Variants in PIP4P2 observed in about 807,000 individuals in gnomAD.
PIP4P2 encodes phosphatidylinositol-4,5-bisphosphate 4-phosphatase 2.
In PIP4P2, 19 loss-of-function variants were observed where a neutral mutation model predicts 33.3. That is an observed-to-expected ratio of 0.57 (90% confidence interval 0.40 to 0.84). The LOEUF is 0.84. Ranked by LOEUF, PIP4P2 falls within the 40% of genes least tolerant of loss-of-function variation. PIP4P2 has a pLI of 0.00. For synonymous variants in PIP4P2, 110 were observed against 111.9 expected (o/e 0.98, Z 0.11); for missense variants, 270 against 324.7 (o/e 0.83, Z 1.29).
At chr8:91,026,837 C>T (rs1001671074) in intron 1 of PIP4P2, among the ~76,000 whole-genome samples, 1 of 152,156 alleles carries the variant, frequency 6.6e-6, no homozygotes, top group South Asian at 2.1e-4. Flanking sequence ...ATCTGTGACA[C>T]ATGGTGCCAT....
At chr8:91,012,566 CT>C (rs983806014) in intron 4 of PIP4P2, among the ~76,000 whole-genome samples, 26 of 152,224 alleles carry the variant, frequency 1.7e-4, no homozygotes, top group African/African-American at 6.0e-4. Flanking sequence ...CAGTGTTCCC[CT>C]AATCAACAAA....
Position 90,994,031 on chromosome 8 carries a change from C to T in PIP4P2, c.*1646G>A, listed in dbSNP as rs2130343024. ...AGAATGGATTATTCAGTATACAATG[C>T]TGTTACAACTAGTTAACCATTAGGA... On this transcript the variant is annotated 3_prime_UTR_variant, in exon 7 of 7. Coordinates refer to ENST00000285419, the MANE Select transcript of PIP4P2 (RefSeq NM_018710.3). 1 of 152,196 alleles carries T rather than the reference C, an allele frequency of 6.6e-6. No homozygotes were observed. Among genetic ancestry groups the T allele is most frequent in the East Asian group, 1.9e-4 (1 of 5,182 alleles). 9.4% of individuals were successfully genotyped at this position (152,196 alleles called of 1,614,324 possible).
rs766244697 is a variant in PIP4P2 at position 90,995,638 on chromosome 8, C to G, written c.*39G>C. On this transcript the variant is annotated 3_prime_UTR_variant, in exon 7 of 7. Coordinates refer to ENST00000285419, the MANE Select transcript of PIP4P2 (RefSeq NM_018710.3). ...GTCCAGAGTAGCTTACCAAGAACTGCTAGACACTCTCACCTGCATTACTGA... is the reference window on the plus strand; with the variant it reads ...GTCCAGAGTAGCTTACCAAGAACTGGTAGACACTCTCACCTGCATTACTGA... 6.3e-7 allele frequency: 1 copy of G among 1,589,988 alleles called. No homozygotes were observed. The highest frequency in any genetic ancestry group is 8.5e-7 in the Non-Finnish European group (1 of 1,171,318).
chr8:91,038,440 C>T (rs60835352), intron 1 of PIP4P2, among the ~76,000 whole-genome samples: 91,119 of 152,008 alleles, frequency 0.6, 28,090 homozygotes, highest in Middle Eastern at 0.72. Flanking sequence ...TCAACCCTAA[C>T]GGTTTTCAAC....
At position 91,021,403 on chromosome 8, in the gene PIP4P2, C is replaced by A. The variant is rs1442066456; in HGVS notation, c.108G>T (p.Ala36=). 6.2e-7 allele frequency: 1 copy of A among 1,613,206 alleles called. No individual in the cohort carries two copies. The highest frequency in any genetic ancestry group is 8.5e-7 in the Non-Finnish European group (1 of 1,179,512). ...PPYLQESSPR[A]ELPPPYTAIA... The stretch of plus-strand genomic sequence containing the variant: ...TGGCTGTATATGGAGGTGGGAGCTC[C>A]GCTGAAAAGATATTAGTCACTGAAT... Residue 36 remains alanine (A), a splice_region_variant and synonymous_variant, in exon 2 of 7, where the codon GCG becomes GCT. Transcript: ENST00000285419.
At chr8:91,026,814 T>C (rs1812089109) in intron 1 of PIP4P2, among the ~76,000 whole-genome samples, 1 of 152,112 alleles carries the variant, frequency 6.6e-6, no homozygotes, top group Admixed American at 6.5e-5. Flanking sequence ...CAATGGGAAA[T>C]GGGATGGTAG....
chr8:91,023,322 T>C (rs186226203), intron 1 of PIP4P2, among the ~76,000 whole-genome samples: 2 of 152,016 alleles, frequency 1.3e-5, no homozygotes, highest in East Asian at 1.9e-4. Flanking sequence ...CACAGTATGA[T>C]AGAAAGGAAA....
intron 4 of PIP4P2, among the ~76,000 whole-genome samples, chr8:91,010,338 T>C (rs1349620159): frequency 6.6e-6 from 1 of 151,902 alleles, no homozygotes; most frequent in African/African-American, 2.4e-5. Flanking sequence ...AGAAGGTAAT[T>C]ATGAAACCTT....
At chr8:91,007,010 T>G (rs1032924909) in intron 5 of PIP4P2, among the ~76,000 whole-genome samples, 3 of 152,190 alleles carry the variant, frequency 2.0e-5, no homozygotes, top group African/African-American at 7.2e-5. Flanking sequence ...TATAAGATCT[T>G]TATTTCCATT....
intron 1 of PIP4P2, among the ~76,000 whole-genome samples, chr8:91,025,646 T>C (rs1409643136): frequency 1.3e-5 from 2 of 152,242 alleles, no homozygotes; most frequent in African/African-American, 2.4e-5. Context: ...AAAGATGTTA[T>C]ATCAAAACTG....
intron 4 of PIP4P2, among the ~76,000 whole-genome samples, chr8:91,014,349 T>G (rs1811882568): frequency 6.6e-6 from 1 of 152,132 alleles, no homozygotes; most frequent in Admixed American, 6.6e-5. Flanking sequence ...AACCCAAATC[T>G]CCATCGACAG....
rs769241478 is a variant in PIP4P2 at position 91,008,735 on chromosome 8, G to GA, written c.539+7dup. 2 of 1,607,500 alleles carry GA rather than the reference G, an allele frequency of 1.2e-6. No individual in the cohort carries two copies. The highest frequency in any genetic ancestry group is 1.7e-6 in the Non-Finnish European group (2 of 1,175,268). On this transcript the variant is annotated splice_region_variant and intron_variant, in intron 5 of 6. Transcript: ENST00000285419. ...TCTCAATAATATTTCCAATGGTAGG[G>GA]AACTTACATTTTTTTGCAGTGTGGG... is the stretch of plus-strand genomic sequence containing the variant.
chr8:91,035,504 G>C (rs1812221744), intron 1 of PIP4P2, among the ~76,000 whole-genome samples: 1 of 152,014 alleles, frequency 6.6e-6, no homozygotes. Context: ...GTATTTTCTT[G>C]CTCTTGACTC....
At chr8:91,024,659 A>T (rs1453473615) in intron 1 of PIP4P2, among the ~76,000 whole-genome samples, 1 of 152,140 alleles carries the variant, frequency 6.6e-6, no homozygotes, top group East Asian at 1.9e-4. Context: ...TAAAAAGTCC[A>T]CTGTAATCTC....
intron 1 of PIP4P2, among the ~76,000 whole-genome samples, chr8:91,022,023 A>T (rs1276922312): frequency 6.6e-6 from 1 of 152,194 alleles, no homozygotes; most frequent in African/African-American, 2.4e-5. Context: ...AATAAAGTAA[A>T]TATAACAATT....
rs886640397 is a variant in PIP4P2, at chr8:91,009,636, T to C, written c.487-841A>G. Among the ~76,000 whole-genome samples the C allele has an allele frequency of 1.8e-4, 28 of 151,990 alleles. 1 individual carries two copies. Among genetic ancestry groups the C allele is most frequent in the Admixed American group, 9.8e-4 (15 of 15,240 alleles). ...TTATTAAAATTGTTTCATTTGGAAA[T>C]CTAGGCCAACAATTTTTCTTTTCAG... On this transcript the variant is annotated intron_variant, in intron 4 of 6. Coordinates refer to ENST00000285419, the MANE Select transcript of PIP4P2 (RefSeq NM_018710.3).
At chr8:91,004,737 G>A (rs1424692614) in intron 5 of PIP4P2, among the ~76,000 whole-genome samples, 1 of 152,108 alleles carries the variant, frequency 6.6e-6, no homozygotes, top group Non-Finnish European at 1.5e-5. Flanking sequence ...AATGAAGTGA[G>A]CATGGATAAA....
intron 1 of PIP4P2, among the ~76,000 whole-genome samples, chr8:91,037,946 T>G (rs1228073385): frequency 6.6e-6 from 1 of 152,176 alleles, no homozygotes; most frequent in Non-Finnish European, 1.5e-5. Context: ...AGCCTAAAAC[T>G]CTCTTTAATT....
At chr8:91,036,598 T>A (rs1266346619) in intron 1 of PIP4P2, among the ~76,000 whole-genome samples, 1 of 152,208 alleles carries the variant, frequency 6.6e-6, no homozygotes, top group Non-Finnish European at 1.5e-5. Flanking sequence ...ATAGTTCAGT[T>A]AAATTGCCCG....
Sources: allele counts gnomAD v4.1 joint callset (sites outside exome capture counted in the v4.1 genomes callset), GRCh38; gene constraint gnomAD v4.1.1; transcripts MANE v1.5; gene names NCBI Gene and HGNC (gene_info 2026-07-23, HGNC 2026-07-21).